Variants in PABPC4L observed in about 807,000 individuals in gnomAD.
PABPC4L encodes the protein poly(A) binding protein cytoplasmic 4 like.
For missense variants in PABPC4L, 452 were observed against 451.4 expected, an observed-to-expected ratio of 1.00 and a Z score of -0.01; for synonymous variants, 169 against 164.1, an observed-to-expected ratio of 1.03 and a Z score of -0.23.
At chr4:134,100,391 A>T in the PABPC4L span, among the ~76,000 whole-genome samples, 2 of 151,656 alleles carry the variant, frequency 1.3e-5, no homozygotes, top group Non-Finnish European at 3.0e-5. Flanking sequence ...TACTTGCTTT[A>T]TATAAATTTA....
the PABPC4L span, among the ~76,000 whole-genome samples, chr4:134,086,658 T>C: frequency 1.3e-5 from 2 of 151,916 alleles, no homozygotes; most frequent in South Asian, 4.2e-4. Flanking sequence ...CGCTCCACCG[T>C]CACAGGGACC....
the PABPC4L span, among the ~76,000 whole-genome samples, chr4:134,035,131 C>T: frequency 6.6e-6 from 1 of 152,134 alleles, no homozygotes; most frequent in African/African-American, 2.4e-5. Context: ...TTATGACTCT[C>T]TAAAGGCTCA....
At chr4:134,039,245 A>T in the PABPC4L span, among the ~76,000 whole-genome samples, 2 of 152,158 alleles carry the variant, frequency 1.3e-5, no homozygotes, top group East Asian at 3.9e-4. Context: ...ACTTCCATTT[A>T]TGTGGTCAAT....
At chr4:133,995,504 C>A in the PABPC4L span, among the ~76,000 whole-genome samples, 3 of 152,130 alleles carry the variant, frequency 2.0e-5, no homozygotes, top group Non-Finnish European at 4.4e-5. Context: ...AAGATATCAG[C>A]GGCCTGGGTA....
chr4:134,054,252 G>GTATATGTA, the PABPC4L span, among the ~76,000 whole-genome samples: 1 of 93,784 alleles, frequency 1.1e-5, no homozygotes, highest in African/African-American at 3.7e-5. Flanking sequence ...AGTTGTATAT[G>GTATATGTA]TATATATATA....
the PABPC4L span, among the ~76,000 whole-genome samples, chr4:134,053,803 G>C: frequency 6.6e-6 from 1 of 151,886 alleles, no homozygotes; most frequent in African/African-American, 2.4e-5. Flanking sequence ...TCAAAATTCG[G>C]AATATTGTGC....
chr4:134,004,386 A>G, the PABPC4L span, among the ~76,000 whole-genome samples: 1 of 152,112 alleles, frequency 6.6e-6, no homozygotes, highest in Middle Eastern at 3.4e-3. Flanking sequence ...AGGTATATGA[A>G]GAGGTGCTCA....
At chr4:134,018,405 A>G in the PABPC4L span, among the ~76,000 whole-genome samples, 1 of 152,092 alleles carries the variant, frequency 6.6e-6, no homozygotes, top group African/African-American at 2.4e-5. Flanking sequence ...CAGGTTTGTT[A>G]TATAGATAAA....
At chr4:134,038,854 T>C in the PABPC4L span, among the ~76,000 whole-genome samples, 44 of 152,166 alleles carry the variant, frequency 2.9e-4, no homozygotes, top group Middle Eastern at 3.4e-3. Flanking sequence ...TTATTTCTTG[T>C]CTTCTGCTAG....
the PABPC4L span, among the ~76,000 whole-genome samples, chr4:134,085,016 A>C: frequency 6.6e-6 from 1 of 152,112 alleles, no homozygotes; most frequent in Non-Finnish European, 1.5e-5. Context: ...CCCACACAGG[A>C]ACAGCAGAGG....
the PABPC4L span, among the ~76,000 whole-genome samples, chr4:134,080,847 A>T: frequency 1.4e-4 from 21 of 152,190 alleles, no homozygotes. Flanking sequence ...GATTACTAAC[A>T]CACACCAAGA....
chr4:134,021,320 T>C, the PABPC4L span, among the ~76,000 whole-genome samples: 6 of 152,130 alleles, frequency 3.9e-5, no homozygotes, highest in African/African-American at 1.4e-4. Context: ...CAAGGACCTG[T>C]GTAGAAGGTG....
chr4:134,132,733 C>T, the PABPC4L span, among the ~76,000 whole-genome samples: 1 of 151,384 alleles, frequency 6.6e-6, no homozygotes, highest in Non-Finnish European at 1.5e-5. Context: ...GAACATAAGT[C>T]ATTATACCAA....
rs1376503440 is a variant in PABPC4L, at chr4:134,197,068, G to C, written c.*2839C>G. 1 of 151,694 alleles carries C rather than the reference G, an allele frequency of 6.6e-6. No individual in the cohort carries two copies. Among genetic ancestry groups the C allele is most frequent in the African/African-American group, 2.4e-5 (1 of 41,418 alleles). The allele number at this position is 151,694 out of a possible 1,614,324, so 9.4% of individuals were successfully genotyped here. ...ATTAAGATGTAGACTAGATTATCCA[G>C]AACAAGATGTCAAGGCCAGGCACAC... On this transcript the variant is annotated 3_prime_UTR_variant, in exon 2 of 2. Transcript: ENST00000421491.
chr4:134,194,174 C>G (rs1729589913), downstream of PABPC4L, among the ~76,000 whole-genome samples: 4 of 151,742 alleles, frequency 2.6e-5, no homozygotes, highest in Admixed American at 1.3e-4. Context: ...TATTTTGCTC[C>G]TCTAATAAGT....
At chr4:134,054,133 T>C in the PABPC4L span, among the ~76,000 whole-genome samples, 1 of 151,196 alleles carries the variant, frequency 6.6e-6, no homozygotes, top group Admixed American at 6.6e-5. Context: ...TCTTTCTCCA[T>C]ATAAATTAAC....
the PABPC4L span, among the ~76,000 whole-genome samples, chr4:134,135,109 G>C: frequency 1.3e-5 from 2 of 152,032 alleles, no homozygotes; most frequent in African/African-American, 4.8e-5. Context: ...CAATAGATTA[G>C]GCTAATCATT....
the PABPC4L span, among the ~76,000 whole-genome samples, chr4:133,994,623 A>T: frequency 1.7e-4 from 26 of 152,086 alleles, no homozygotes; most frequent in East Asian, 4.5e-3. Flanking sequence ...TCCAATAAGC[A>T]ATTTTATTTC....
At chr4:134,076,575 A>G in the PABPC4L span, among the ~76,000 whole-genome samples, 2 of 152,116 alleles carry the variant, frequency 1.3e-5, no homozygotes, top group African/African-American at 4.8e-5. Flanking sequence ...ATATAAGCAA[A>G]TGAGTAACTA....
Sources: allele counts gnomAD v4.1 joint callset (sites outside exome capture counted in the v4.1 genomes callset), GRCh38; gene constraint gnomAD v4.1.1; transcripts MANE v1.5; gene names NCBI Gene and HGNC (gene_info 2026-07-23, HGNC 2026-07-21).